Variants in MON2 observed in about 807,000 individuals in gnomAD.
The protein encoded by MON2 is MON2 regulator of endosome-to-Golgi trafficking, also known as protein MON2 homolog.
Under a neutral mutation model 208.6 loss-of-function variants are expected in MON2, and 84 were observed. The ratio of observed to expected loss-of-function variants is 0.40; its 90% CI spans 0.34 to 0.48. The LOEUF (loss-of-function observed/expected upper bound fraction) is 0.48. MON2 is among the 20% of genes least tolerant of loss of function. MON2 has a pLI of 0.59. For synonymous variants in MON2, 660 were observed against 694.0 expected, an observed-to-expected ratio of 0.95 and a Z score of 0.77; for missense variants, 1,611 against 2,015.4, an observed-to-expected ratio of 0.80 and a Z score of 3.84.
At chr12:62,566,213 C>A in intron 28 of MON2, 109 bp from the exon 29 acceptor site, 5 of 1,431,818 alleles carry the variant, frequency 3.5e-6, no homozygotes, top group Non-Finnish European at 4.8e-6. Context: ...ATAATCTGAC[C>A]TAAAACCAAG....
At chr12:62,503,345 C>T (rs528075705) in intron 7 of MON2, among the ~76,000 whole-genome samples, 2 of 152,210 alleles carry the variant, frequency 1.3e-5, no homozygotes, top group South Asian at 4.1e-4. Context: ...TCCCGACCAT[C>T]ACCTTCAAAA....
intron 25 of MON2, among the ~76,000 whole-genome samples, chr12:62,559,516 A>G (rs2074117427): frequency 6.6e-6 from 1 of 152,096 alleles, no homozygotes; most frequent in South Asian, 2.1e-4. Context: ...GGTGGTGTGC[A>G]TCTGTAGTCC....
intron 12 of MON2, 45 bp from the exon 13 acceptor site, chr12:62,534,800 C>A: frequency 7.3e-7 from 1 of 1,361,236 alleles, no homozygotes; most frequent in Non-Finnish European, 1.0e-6. Flanking sequence ...ACATATTGTG[C>A]TATCTATAAT....
At chr12:62,565,401 T>C in intron 27 of MON2, 21 bp downstream of exon 27, 1 of 1,576,664 alleles carries the variant, frequency 6.3e-7, no homozygotes, top group South Asian at 1.1e-5. Flanking sequence ...GTAAATTTTA[T>C]TTACTTTGTA....
intron 34 of MON2, among the ~76,000 whole-genome samples, chr12:62,591,952 G>A (rs550561251): frequency 1.6e-4 from 25 of 152,288 alleles, no homozygotes; most frequent in Middle Eastern, 6.8e-3. Flanking sequence ...AACTAATTGG[G>A]ATATAACACT....
At chr12:62,582,253 G>A (rs1029673421) in intron 32 of MON2, among the ~76,000 whole-genome samples, 1 of 152,186 alleles carries the variant, frequency 6.6e-6, no homozygotes, top group African/African-American at 2.4e-5. Flanking sequence ...GCAGTTTTCT[G>A]ATAATATATC....
intron 29 of MON2, among the ~76,000 whole-genome samples, chr12:62,570,722 CTTTTTTTTTTTT>C (rs1192680038): frequency 2.8e-5 from 2 of 70,814 alleles, no homozygotes; most frequent in African/African-American, 1.2e-4. Context: ...TTTTCTTTTT[CTTTTTTTTTTTT>C]TTTTTTTTTT....
chr12:62,582,861 A>G (rs1163429652), intron 32 of MON2, among the ~76,000 whole-genome samples: 1 of 152,224 alleles, frequency 6.6e-6, no homozygotes, highest in Non-Finnish European at 1.5e-5. Context: ...GTCAGAGCTC[A>G]CAGACATTTG....
intron 3 of MON2, 149 bp from the exon 4 acceptor site, chr12:62,494,867 T>C (rs10877862): frequency 0.13 from 66,559 of 499,240 alleles, 5,318 homozygotes; most frequent in Middle Eastern, 0.23. Flanking sequence ...GAGAGATGTG[T>C]TTGGATCTAG....
At chr12:62,484,073 T>G in intron 1 of MON2, 97 bp from the exon 2 acceptor site, 1 of 874,792 alleles carries the variant, frequency 1.1e-6, no homozygotes, top group Non-Finnish European at 1.8e-6. Flanking sequence ...GTGACTGACT[T>G]TGTGCTTGAT....
At chr12:62,532,009 T>C (rs1034741162) in intron 11 of MON2, among the ~76,000 whole-genome samples, 5 of 152,122 alleles carry the variant, frequency 3.3e-5, no homozygotes, top group African/African-American at 9.7e-5. Context: ...GACCTCGTGA[T>C]CCACCCACCT....
At chr12:62,566,571 G>A (rs1592417217) in intron 29 of MON2, 121 bp downstream of exon 29, 1 of 1,031,802 alleles carries the variant, frequency 9.7e-7, no homozygotes, top group South Asian at 2.2e-5. Flanking sequence ...AGTATTATTT[G>A]TAATGACTTT....
chr12:62,544,563 G>A (rs1408943015), intron 20 of MON2, among the ~76,000 whole-genome samples: 2 of 152,110 alleles, frequency 1.3e-5, no homozygotes, highest in Non-Finnish European at 2.9e-5. Flanking sequence ...CTTCATTAAT[G>A]GATGGTCTCA....
chr12:62,513,166 T>C (rs1021431787), intron 8 of MON2, among the ~76,000 whole-genome samples: 3 of 152,198 alleles, frequency 2.0e-5, no homozygotes, highest in East Asian at 1.9e-4. Flanking sequence ...ATTCAGCTCC[T>C]TGTTACTTAT....
intron 11 of MON2, among the ~76,000 whole-genome samples, chr12:62,527,502 T>C (rs1475999543): frequency 2.0e-5 from 3 of 152,190 alleles, no homozygotes; most frequent in Non-Finnish European, 4.4e-5. Flanking sequence ...ATGACTCAAG[T>C]ATACTAGAGA....
At chr12:62,552,349 G>C (rs761723552) in intron 23 of MON2, among the ~76,000 whole-genome samples, 5 of 151,956 alleles carry the variant, frequency 3.3e-5, no homozygotes, top group Non-Finnish European at 7.4e-5. Context: ...AATTACTGCT[G>C]GATAGCACCT....
At chr12:62,509,571 C>T (rs1404968742) in intron 8 of MON2, among the ~76,000 whole-genome samples, 1 of 152,110 alleles carries the variant, frequency 6.6e-6, no homozygotes, top group African/African-American at 2.4e-5. Context: ...CAGAACACTC[C>T]ACCTAACATC....
chr12:62,548,353 C>T (rs1321661391), intron 22 of MON2, among the ~76,000 whole-genome samples: 1 of 152,022 alleles, frequency 6.6e-6, no homozygotes, highest in Non-Finnish European at 1.5e-5. Flanking sequence ...GTATCATTAA[C>T]TAAATAGGGA....
chr12:62,584,486 G>C (rs755546731), intron 32 of MON2, among the ~76,000 whole-genome samples: 1 of 152,156 alleles, frequency 6.6e-6, no homozygotes. Flanking sequence ...GGCGGATCAC[G>C]AGGTCAGGAA....
Sources: gnomAD v4.1 joint callset for allele counts (sites outside exome capture counted in the v4.1 genomes callset) on GRCh38, gnomAD v4.1.1 for gene constraint, MANE v1.5 for transcripts, NCBI Gene and HGNC (gene_info 2026-07-23, HGNC 2026-07-21) for gene names.